SPATA6: variants seen among roughly 807,000 people sequenced by gnomAD.
The protein encoded by SPATA6 is spermatogenesis-associated protein 6.
In SPATA6, 56 loss-of-function variants were observed where a neutral mutation model predicts 65.3. The ratio of observed to expected loss-of-function variants is 0.86; its 90% confidence interval spans 0.69 to 1.07. The LOEUF is 1.07. Among genes scored for constraint, SPATA6 ranks in the 50% least tolerant of loss-of-function variants. SPATA6 has a pLI of 0.00. For synonymous variants in SPATA6, 199 were observed against 213.2 expected (o/e 0.93, Z 0.58); for missense variants, 590 against 594.8 (o/e 0.99, Z 0.08).
intron 1 of SPATA6, among the ~76,000 whole-genome samples, chr1:48,467,391 G>GA (rs1657893377): frequency 6.6e-6 from 1 of 151,850 alleles, no homozygotes; most frequent in East Asian, 1.9e-4. Flanking sequence ...TAGTAATTGG[G>GA]AAAAAACTGA....
chr1:48,363,774 CCTTTTTT>C (rs1646897806), intron 9 of SPATA6, among the ~76,000 whole-genome samples: 1 of 150,178 alleles, frequency 6.7e-6, no homozygotes, highest in African/African-American at 2.4e-5. Context: ...TTTCATGTTG[CCTTTTTT>C]CTTTTTTTAT....
At chr1:48,423,069 T>G (rs1653500553) in intron 3 of SPATA6, among the ~76,000 whole-genome samples, 1 of 152,130 alleles carries the variant, frequency 6.6e-6, no homozygotes, top group African/African-American at 2.4e-5. Flanking sequence ...TAGGTTTAGT[T>G]AAAAAAATTA....
intron 9 of SPATA6, among the ~76,000 whole-genome samples, chr1:48,381,096 C>A (rs549880052): frequency 2.0e-5 from 3 of 152,260 alleles, no homozygotes; most frequent in Non-Finnish European, 4.4e-5. Flanking sequence ...TCTAATGCTG[C>A]CACTGATCTG....
intron 5 of SPATA6, among the ~76,000 whole-genome samples, chr1:48,409,726 G>A (rs1391111611): frequency 1.3e-5 from 2 of 152,234 alleles, no homozygotes; most frequent in African/African-American, 4.8e-5. Flanking sequence ...ACACCACATG[G>A]AAGCTGCCAA....
At chr1:48,339,950 A>G (rs1305522896) in intron 11 of SPATA6, among the ~76,000 whole-genome samples, 2 of 152,068 alleles carry the variant, frequency 1.3e-5, no homozygotes, top group Admixed American at 6.6e-5. Context: ...TTGAGTGAAG[A>G]AAGTCTGAGT....
intron 9 of SPATA6, among the ~76,000 whole-genome samples, chr1:48,364,057 T>C (rs1646911832): frequency 6.6e-6 from 1 of 152,212 alleles, no homozygotes; most frequent in East Asian, 1.9e-4. Flanking sequence ...TGGTGTTTGG[T>C]TTTTTGTCCT....
At chr1:48,458,658 G>A (rs182540982) in intron 1 of SPATA6, among the ~76,000 whole-genome samples, 189 of 152,226 alleles carry the variant, frequency 1.2e-3, no homozygotes, top group African/African-American at 4.3e-3. Flanking sequence ...AACCTTAAAA[G>A]CATTATGCTA....
chr1:48,378,223 T>C (rs1570373814), intron 9 of SPATA6, among the ~76,000 whole-genome samples: 3 of 152,358 alleles, frequency 2.0e-5, no homozygotes, highest in South Asian at 4.1e-4. Context: ...GAAATCAATA[T>C]ATGCACTGGC....
At chr1:48,428,405 A>G (rs1239866683) in intron 3 of SPATA6, among the ~76,000 whole-genome samples, 2 of 152,184 alleles carry the variant, frequency 1.3e-5, no homozygotes, top group African/African-American at 2.4e-5. Flanking sequence ...GTGAGCTGAG[A>G]TCATGCCATT....
At chr1:48,357,689 A>G (rs1292470093) in intron 10 of SPATA6, among the ~76,000 whole-genome samples, 1 of 152,164 alleles carries the variant, frequency 6.6e-6, no homozygotes, top group African/African-American at 2.4e-5. Context: ...ATAAAAAGCC[A>G]TTTCAGAGAA....
the SPATA6 span, among the ~76,000 whole-genome samples, chr1:48,267,752 GT>G: frequency 0.09 from 6,496 of 72,106 alleles, 74 homozygotes; most frequent in African/African-American, 0.16. Context: ...TAGGGTCTGG[GT>G]TTTTTTTTTT....
At chr1:48,366,671 C>G (rs931197402) in intron 9 of SPATA6, among the ~76,000 whole-genome samples, 1 of 151,854 alleles carries the variant, frequency 6.6e-6, no homozygotes, top group African/African-American at 2.4e-5. Flanking sequence ...TTGCATCTAT[C>G]TGATTCTTCT....
At chr1:48,374,481 G>C (rs1011283717) in intron 9 of SPATA6, among the ~76,000 whole-genome samples, 2 of 152,056 alleles carry the variant, frequency 1.3e-5, no homozygotes, top group African/African-American at 4.8e-5. Flanking sequence ...AAAGAACTAA[G>C]ACCTACCTAC....
intron 11 of SPATA6, chr1:48,325,547 C>G (rs1318703057): frequency 4.2e-6 from 5 of 1,188,096 alleles, no homozygotes; most frequent in Non-Finnish European, 6.3e-6. Context: ...TCCTCTTCCT[C>G]TTTGGTCTTG....
At chr1:48,283,678 C>CAAAA in the SPATA6 span, among the ~76,000 whole-genome samples, 13 of 60,808 alleles carry the variant, frequency 2.1e-4, no homozygotes, top group African/African-American at 7.9e-4. Context: ...GACTCCGTCT[C>CAAAA]AAAAAAAAAA....
At chr1:48,290,120 A>G in the SPATA6 span, among the ~76,000 whole-genome samples, 1 of 152,250 alleles carries the variant, frequency 6.6e-6, no homozygotes, top group Non-Finnish European at 1.5e-5. Flanking sequence ...TTACCCACAA[A>G]GGGAAGCCCA....
chr1:48,367,301 G>A (rs1020523448), intron 9 of SPATA6, among the ~76,000 whole-genome samples: 13 of 152,176 alleles, frequency 8.5e-5, no homozygotes, highest in African/African-American at 2.9e-4. Flanking sequence ...TTCTGTAGAT[G>A]TCTATTAGGT....
chr1:48,425,291 A>C (rs1653731213), intron 3 of SPATA6, among the ~76,000 whole-genome samples: 1 of 152,180 alleles, frequency 6.6e-6, no homozygotes, highest in African/African-American at 2.4e-5. Context: ...GTCAAAAATG[A>C]GTTCACTGTA....
downstream of SPATA6, among the ~76,000 whole-genome samples, chr1:48,292,981 C>T (rs1183233929): frequency 6.6e-6 from 1 of 152,150 alleles, no homozygotes; most frequent in Non-Finnish European, 1.5e-5. Context: ...GCCAGAAGGC[C>T]ATCTGCGGTG....
Sources: allele counts gnomAD v4.1 joint callset (sites outside exome capture counted in the v4.1 genomes callset), GRCh38; gene constraint gnomAD v4.1.1; transcripts MANE v1.5; gene names NCBI Gene and HGNC (gene_info 2026-07-23, HGNC 2026-07-21).